NPAT: variants seen among roughly 807,000 people sequenced by gnomAD.
NPAT encodes the protein protein NPAT.
Under a neutral mutation model 130.7 loss-of-function variants are expected in NPAT, and 52 were observed. The observed-to-expected ratio is 0.40, with a 90% CI of 0.32 to 0.50. The LOEUF is 0.50. NPAT is among the 20% of genes least tolerant of loss of function. The pLI is 0.68. For synonymous variants in NPAT, 580 were observed against 584.8 expected (o/e 0.99, Z 0.12); for missense variants, 1,687 against 1,662.6 (o/e 1.01, Z -0.26).
chr11:108,176,090 C>G (rs1161154715), intron 12 of NPAT, among the ~76,000 whole-genome samples, 156 bp downstream of exon 12: 1 of 152,066 alleles, frequency 6.6e-6, no homozygotes, highest in East Asian at 1.9e-4. Flanking sequence ...ATCAAACTAC[C>G]AAAGATTTAT....
intron 1 of NPAT, among the ~76,000 whole-genome samples, chr11:108,219,271 A>G (rs929522413): frequency 1.3e-5 from 2 of 152,140 alleles, no homozygotes; most frequent in Non-Finnish European, 2.9e-5. Context: ...CCACTCCCTC[A>G]TCAGACAAGT....
In NPAT at chr11:108,158,961, G is replaced by A; in HGVS notation, c.4265C>T (p.Ser1422Leu). The change falls in exon 18 of 18, where the codon TCA becomes TTA. Residue 1422 changes from serine (S) to leucine (L), a missense_variant. Ser to Leu is a moderately radical substitution (Grantham distance 145). Around this residue, in one of 3 missense-constraint regions of NPAT, gnomAD observed 1,379 missense variants for 1,346.6 expected, o/e 1.02. Transcript: ENST00000278612. ...GAATGTTTACTCATCATAATGCAATGATAACAAAAATTTGTCTACATCCAT... is the reference window on the plus strand; with the variant it reads ...GAATGTTTACTCATCATAATGCAATAATAACAAAAATTTGTCTACATCCAT... Reference protein sequence around the residue: ...AGMDVDKFLLSLHYDE With the variant: ...AGMDVDKFLLLLHYDE 2 of 1,604,212 alleles carry A rather than the reference G, an allele frequency of 1.2e-6. No homozygotes were observed. Among genetic ancestry groups the A allele is most frequent in the Non-Finnish European group, 1.7e-6 (2 of 1,173,382 alleles).
chr11:108,169,983 A>T lies in NPAT; in HGVS notation c.2846T>A (p.Ile949Asn), dbSNP rs898064413. The change falls in exon 14 of 18, where the codon ATC (isoleucine) becomes AAC (asparagine). Residue 949 changes from isoleucine to asparagine, a missense_variant. Transcript: ENST00000278612. ...ATTCTGTCCAACCACAGATACTGGG[A>T]TCATCCCTACCATTCCTTGGAGTAC... Reference protein sequence around the residue: ...QPVLQGMVGMIPVSVVGQNGN... With the variant: ...QPVLQGMVGMNPVSVVGQNGN... The T allele has an allele frequency of 1.9e-6, 3 of 1,614,018 alleles. No individual in the cohort carries two copies. The highest frequency in any genetic ancestry group is 2.5e-6 in the Non-Finnish European group (3 of 1,179,916).
chr11:108,182,478 C>T (rs1002570086), intron 10 of NPAT, among the ~76,000 whole-genome samples: 1 of 152,184 alleles, frequency 6.6e-6, no homozygotes, highest in African/African-American at 2.4e-5. Context: ...CCTATACTGT[C>T]TTAAAAACTG....
chr11:108,212,076 A>C (rs1332820365), intron 1 of NPAT, among the ~76,000 whole-genome samples: 1 of 137,888 alleles, frequency 7.3e-6, no homozygotes, highest in Non-Finnish European at 1.5e-5. Context: ...TTATCTATTA[A>C]AAAAAAAAAA....
At chr11:108,199,346 C>A (rs914795506) in intron 1 of NPAT, among the ~76,000 whole-genome samples, 2 of 152,152 alleles carry the variant, frequency 1.3e-5, no homozygotes, top group Admixed American at 1.3e-4. Flanking sequence ...GGAATCCGGG[C>A]CAGAAGCAGT....
At chr11:108,188,460 G>A (rs1285113003) in intron 6 of NPAT, among the ~76,000 whole-genome samples, 5 of 152,120 alleles carry the variant, frequency 3.3e-5, no homozygotes, top group Admixed American at 3.3e-4. Flanking sequence ...AAGCATTCTG[G>A]GTGTAGAAAA....
chr11:108,213,517 C>T (rs538183061), intron 1 of NPAT, among the ~76,000 whole-genome samples: 91 of 152,164 alleles, frequency 6.0e-4, no homozygotes, highest in Non-Finnish European at 1.1e-3. Flanking sequence ...GACCTAAATC[C>T]ACGCAAAGAC....
chr11:108,200,077 C>A (rs766175384), intron 1 of NPAT, among the ~76,000 whole-genome samples: 60 of 152,208 alleles, frequency 3.9e-4, no homozygotes, highest in Middle Eastern at 3.2e-3. Context: ...AGTTTTCTTT[C>A]CCCTGTTGAA....
intron 2 of NPAT, among the ~76,000 whole-genome samples, chr11:108,196,603 G>C (rs2078223669): frequency 6.6e-6 from 1 of 152,082 alleles, no homozygotes. Context: ...TTAGATCTCA[G>C]GCAATTTTGA....
intron 12 of NPAT, 132 bp downstream of exon 12, chr11:108,176,113 CA>C: frequency 1.5e-6 from 1 of 686,464 alleles, no homozygotes. Flanking sequence ...TTGTTTTTAA[CA>C]GAGAGAAAAA....
intron 10 of NPAT, among the ~76,000 whole-genome samples, chr11:108,184,541 A>AC (rs2078086985): frequency 6.8e-6 from 1 of 146,372 alleles, no homozygotes. Context: ...ATTTTTTCTT[A>AC]TTTTTTTGAG....
intron 1 of NPAT, 76 bp from the exon 2 acceptor site, chr11:108,197,496 T>C (rs1006636211): frequency 6.5e-6 from 6 of 921,706 alleles, no homozygotes; most frequent in African/African-American, 3.3e-5. Flanking sequence ...GAAAATGCTG[T>C]AGCATGTACT....
intron 15 of NPAT, among the ~76,000 whole-genome samples, chr11:108,166,764 T>A (rs921209320): frequency 3.2e-4 from 48 of 152,220 alleles, no homozygotes; most frequent in African/African-American, 1.1e-3. Context: ...CATGGACTTT[T>A]ATTCTTTCTC....
In NPAT at chr11:108,217,109, C is replaced by A. The variant is rs182743791; in HGVS notation, c.37+5391G>T. ...TTTTCTCCAGGTACACGTTTCTTCC[C>A]AAACTCCAAAGATGTGCACGTTGTT... On this transcript the variant is annotated intron_variant, in intron 1 of 17. Coordinates refer to ENST00000278612, the MANE Select transcript of NPAT (RefSeq NM_002519.3). Among the ~76,000 whole-genome samples the A allele has an allele frequency of 1.1e-4, 17 of 152,250 alleles. No homozygotes were observed. The East Asian group carries it at 3.3e-3, about 29-fold the overall frequency.
At chr11:108,192,229 G>A (rs779537859) in intron 3 of NPAT, 39 bp from the exon 4 acceptor site, 2 of 1,306,748 alleles carry the variant, frequency 1.5e-6, no homozygotes, top group Non-Finnish European at 1.1e-6. Context: ...AAACCCAGCT[G>A]AAGAAATTTC....
intron 1 of NPAT, among the ~76,000 whole-genome samples, chr11:108,219,433 G>T (rs1444802759): frequency 6.6e-6 from 1 of 152,028 alleles, no homozygotes. Context: ...CAGTGTAAAC[G>T]AATTCTCTCA....
chr11:108,172,445 C>T lies in NPAT; in HGVS notation c.2539G>A (p.Gly847Arg). 3.7e-6 allele frequency: 6 copies of T among 1,614,166 alleles called. No homozygotes were observed. The highest frequency in any genetic ancestry group is 5.1e-6 in the Non-Finnish European group (6 of 1,180,004). The change falls in exon 13 of 18, where the codon GGA becomes AGA. Residue 847 changes from glycine to arginine, a missense_variant. Around this residue, in one of 3 missense-constraint regions of NPAT, gnomAD observed 1,379 missense variants for 1,346.6 expected, o/e 1.02. Transcript: ENST00000278612. ...ANVTPCVSKDGGYIQLMPATS... is the reference protein window; with the variant it reads ...ANVTPCVSKDRGYIQLMPATS... ...GCTGGCATCAACTGTATATATCCTCCATCCTTGGAAACACATGGTGTAACA... is the reference window on the plus strand; with the variant it reads ...GCTGGCATCAACTGTATATATCCTCTATCCTTGGAAACACATGGTGTAACA...
intron 3 of NPAT, among the ~76,000 whole-genome samples, chr11:108,192,814 C>G (rs999239321): frequency 2.0e-5 from 3 of 152,100 alleles, no homozygotes; most frequent in African/African-American, 7.2e-5. Flanking sequence ...ATTAGCTGGG[C>G]ATGGTGGCGT....
Sources: allele counts gnomAD v4.1 joint callset (sites outside exome capture counted in the v4.1 genomes callset), GRCh38; gene constraint gnomAD v4.1.1; regional missense constraint gnomAD v4.1.1; transcripts MANE v1.5; gene names NCBI Gene and HGNC (gene_info 2026-07-23, HGNC 2026-07-21).